TNNI3K: variants seen among roughly 807,000 people sequenced by gnomAD.
The protein encoded by TNNI3K is TNNI3 interacting kinase.
TNNI3K carries 140 observed loss-of-function variants against 114.5 expected under a neutral mutation model. The observed-to-expected ratio is 1.22, with a 90% CI of 1.07 to 1.41. The LOEUF is 1.41. TNNI3K is among the 40% of genes most tolerant of loss of function. The pLI is 0.00. For synonymous variants in TNNI3K, 347 were observed against 347.5 expected, an observed-to-expected ratio of 1.00 and a Z score of 0.02; for missense variants, 1,125 against 1,007.6, an observed-to-expected ratio of 1.12 and a Z score of -1.58.
intron 20 of TNNI3K, among the ~76,000 whole-genome samples, chr1:74,449,569 G>A (rs938583813): frequency 2.2e-4 from 33 of 151,890 alleles, no homozygotes; most frequent in Admixed American, 5.9e-4. Flanking sequence ...GATCTACCAA[G>A]CAAATGGAAA....
At chr1:74,416,157 C>T in intron 17 of TNNI3K, 1 of 345,384 alleles carries the variant, frequency 2.9e-6, no homozygotes, top group South Asian at 1.2e-4. Flanking sequence ...AAATATAGCA[C>T]ATGACTGGGG....
chr1:74,331,089 T>C (rs1660175093), intron 5 of TNNI3K, among the ~76,000 whole-genome samples: 1 of 152,062 alleles, frequency 6.6e-6, no homozygotes, highest in Non-Finnish European at 1.5e-5. Context: ...AGATAAAGCA[T>C]GAATATATGA....
chr1:74,267,251 A>C (rs113095326), intron 4 of TNNI3K, among the ~76,000 whole-genome samples: 1 of 152,102 alleles, frequency 6.6e-6, no homozygotes, highest in African/African-American at 2.4e-5. Flanking sequence ...TTTACAGGAA[A>C]ATTTTTTCCA....
chr1:74,363,409 CAG>C (rs1440757855), intron 11 of TNNI3K, among the ~76,000 whole-genome samples: 2 of 152,042 alleles, frequency 1.3e-5, no homozygotes, highest in Non-Finnish European at 2.9e-5. Context: ...TATCATCAGC[CAG>C]AACCCAGGCA....
intron 21 of TNNI3K, among the ~76,000 whole-genome samples, chr1:74,482,062 A>G (rs981736516): frequency 7.2e-5 from 11 of 152,108 alleles, no homozygotes; most frequent in African/African-American, 2.4e-4. Context: ...AGCATTTATG[A>G]TTGATTATTT....
At chr1:74,298,385 T>C (rs1658117905) in intron 5 of TNNI3K, among the ~76,000 whole-genome samples, 1 of 152,266 alleles carries the variant, frequency 6.6e-6, no homozygotes, top group Non-Finnish European at 1.5e-5. Context: ...TATGAATATA[T>C]AGGTAAGCAT....
intron 17 of TNNI3K, among the ~76,000 whole-genome samples, chr1:74,414,505 T>G (rs7517677): frequency 0.061 from 9,267 of 152,286 alleles, 313 homozygotes; most frequent in African/African-American, 0.096. Flanking sequence ...GTTGTGCTTC[T>G]CTTGCTATTC....
intron 24 of TNNI3K, among the ~76,000 whole-genome samples, chr1:74,541,261 A>G (rs568567665): frequency 6.6e-6 from 1 of 152,290 alleles, no homozygotes; most frequent in East Asian, 1.9e-4. Context: ...GCAGAGACTC[A>G]TTACCTAAGG....
chr1:74,424,644 A>T (rs1332989630), intron 17 of TNNI3K, among the ~76,000 whole-genome samples: 2 of 149,214 alleles, frequency 1.3e-5, no homozygotes, highest in African/African-American at 4.9e-5. Flanking sequence ...CCTTGAACCC[A>T]GGAGGCGGAG....
chr1:74,239,427 AG>A (rs1654051428), intron 2 of TNNI3K, among the ~76,000 whole-genome samples: 1 of 152,142 alleles, frequency 6.6e-6, no homozygotes, highest in South Asian at 2.1e-4. Context: ...AGAGCATTAT[AG>A]GTGCTAAATA....
At chr1:74,523,611 T>A (rs1557626245) in intron 23 of TNNI3K, among the ~76,000 whole-genome samples, 1 of 152,134 alleles carries the variant, frequency 6.6e-6, no homozygotes. Flanking sequence ...TCTTCATGAG[T>A]CTAGCTTTGC....
At chr1:74,236,737 A>C (rs1653879960) in intron 2 of TNNI3K, among the ~76,000 whole-genome samples, 1 of 151,854 alleles carries the variant, frequency 6.6e-6, no homozygotes, top group Non-Finnish European at 1.5e-5. Flanking sequence ...GGATTTCAGT[A>C]GATTTTGTTC....
rs34656417 is a variant in TNNI3K, at chr1:74,391,957, A to ATTTTTTTTTTTTTTTTT, written c.1772+21575_1772+21591dup. On this transcript the variant is annotated intron_variant, in intron 17 of 24. Transcript: ENST00000326637. ...TTGATTTAGGATGGTACAGCTTATT[A>ATTTTTTTTTTTTTTTTT]TTTTTTTTTTTTTTTTTTTTTTTTT... Among the ~76,000 whole-genome samples, 69 of 93,034 alleles carry ATTTTTTTTTTTTTTTTT rather than the reference A, an allele frequency of 7.4e-4. 5 individuals are homozygous for ATTTTTTTTTTTTTTTTT. The highest frequency in any genetic ancestry group is 1.4e-3 in the African/African-American group (37 of 25,692). 61.0% of individuals were successfully genotyped at this position (93,034 alleles called of 152,430 possible). A position where few individuals can be genotyped will look rare whatever the true frequency, so the allele number is the denominator to read the frequency against.
intron 21 of TNNI3K, chr1:74,464,604 A>G (rs761272396): frequency 6.5e-6 from 10 of 1,542,960 alleles, no homozygotes; most frequent in Non-Finnish European, 4.4e-6. Flanking sequence ...GTTTGAAAAG[A>G]GAATGCAAAT....
intron 17 of TNNI3K, among the ~76,000 whole-genome samples, chr1:74,380,842 C>T (rs988671349): frequency 6.6e-6 from 1 of 152,030 alleles, no homozygotes; most frequent in Non-Finnish European, 1.5e-5. Context: ...TCGTTTTCAA[C>T]CCTTGCTTGC....
intron 23 of TNNI3K, among the ~76,000 whole-genome samples, chr1:74,510,941 A>G (rs921307073): frequency 4.6e-5 from 7 of 152,112 alleles, no homozygotes; most frequent in East Asian, 1.9e-4. Context: ...AGGCTGGAGT[A>G]CAATGGTGCG....
chr1:74,312,422 A>T (rs1295460237), intron 5 of TNNI3K, among the ~76,000 whole-genome samples: 1 of 152,238 alleles, frequency 6.6e-6, no homozygotes, highest in Non-Finnish European at 1.5e-5. Context: ...TGTTTATGAA[A>T]TTGCAGCAGA....
chr1:74,397,237 A>G (rs1031762709), intron 17 of TNNI3K, among the ~76,000 whole-genome samples: 5 of 152,060 alleles, frequency 3.3e-5, no homozygotes, highest in Non-Finnish European at 7.4e-5. Flanking sequence ...GAGTGAGAGA[A>G]AGACTGAAAA....
At chr1:74,359,717 C>G (rs569472518) in intron 11 of TNNI3K, among the ~76,000 whole-genome samples, 10 of 152,108 alleles carry the variant, frequency 6.6e-5, no homozygotes, top group South Asian at 4.2e-4. Flanking sequence ...ATTTGCAAGC[C>G]TCTTTCCTAC....
Sources: gnomAD v4.1 joint callset for allele counts (sites outside exome capture counted in the v4.1 genomes callset) on GRCh38, gnomAD v4.1.1 for gene constraint, MANE v1.5 for transcripts, NCBI Gene and HGNC (gene_info 2026-07-23, HGNC 2026-07-21) for gene names.